KHDRBS2: variants seen among roughly 807,000 people sequenced by gnomAD.
KHDRBS2 encodes the protein KH domain-containing, RNA-binding, signal transduction-associated protein 2.
Under a neutral mutation model 44.3 loss-of-function variants are expected in KHDRBS2, and 26 were observed. The ratio of observed to expected loss-of-function variants is 0.59; its 90% confidence interval spans 0.43 to 0.81. KHDRBS2 has a LOEUF of 0.81. KHDRBS2 is among the 40% of genes least tolerant of loss of function. The probability of loss-of-function intolerance (pLI) is 0.00; values close to 1 mark genes in which losing one functional copy is unlikely to be tolerated. For synonymous variants in KHDRBS2, 194 were observed against 151.1 expected, an observed-to-expected ratio of 1.28 and a Z score of -2.08; for missense variants, 476 against 433.1, an observed-to-expected ratio of 1.10 and a Z score of -0.88.
intron 4 of KHDRBS2, among the ~76,000 whole-genome samples, chr6:61,951,438 C>T (rs1465973676): frequency 6.6e-6 from 1 of 151,984 alleles, no homozygotes; most frequent in Non-Finnish European, 1.5e-5. Context: ...TTTTTAAAAG[C>T]TTTATCTACT....
At chr6:61,816,678 C>A in intron 6 of KHDRBS2, 1 of 431,790 alleles carries the variant, frequency 2.3e-6, no homozygotes, top group Non-Finnish European at 4.7e-6. Flanking sequence ...TTTGAAAATC[C>A]AGTTTTGCAA....
At chr6:61,627,872 A>G in the KHDRBS2 span, among the ~76,000 whole-genome samples, 1 of 152,114 alleles carries the variant, frequency 6.6e-6, no homozygotes, top group Admixed American at 6.5e-5. Flanking sequence ...TGAATTTTCA[A>G]ACCTGAGGGG....
chr6:62,006,190 TA>T (rs1488768563), intron 3 of KHDRBS2, among the ~76,000 whole-genome samples: 7 of 151,886 alleles, frequency 4.6e-5, no homozygotes, highest in Non-Finnish European at 1.0e-4. Context: ...AGAAAACCTC[TA>T]AAAAGGATGG....
At chr6:61,681,868 T>C (rs1766345797) in intron 8 of KHDRBS2, among the ~76,000 whole-genome samples, 1 of 151,888 alleles carries the variant, frequency 6.6e-6, no homozygotes, top group Admixed American at 6.6e-5. Flanking sequence ...AATGCAATTC[T>C]TCTTTAAAAT....
At chr6:62,037,042 G>T (rs1785430028) in intron 3 of KHDRBS2, among the ~76,000 whole-genome samples, 1 of 151,848 alleles carries the variant, frequency 6.6e-6, no homozygotes, top group Non-Finnish European at 1.5e-5. Context: ...TAAAGCTATA[G>T]AGTTGCCAAC....
rs1768163439 is a variant in KHDRBS2 at position 61,698,387 on chromosome 6, T to C, written c.894-1134A>G. Among the ~76,000 whole-genome samples the C allele has an allele frequency of 4.6e-5, 7 of 152,222 alleles. No individual in the cohort carries two copies. In the South Asian group the frequency reaches 1.2e-3, roughly 27 times the overall value. ...CATCTGGTCCTAATGTTCTATCTAA[T>C]AGCAAATTCACTTCGAATTGCAAAA... On this transcript the variant is annotated intron_variant, in intron 7 of 8. Transcript: ENST00000281156.
At chr6:61,672,897 T>G in the KHDRBS2 span, among the ~76,000 whole-genome samples, 1 of 151,998 alleles carries the variant, frequency 6.6e-6, no homozygotes, top group Non-Finnish European at 1.5e-5. Flanking sequence ...TTGCTTTTGG[T>G]GTTTTAGACA....
intron 2 of KHDRBS2, among the ~76,000 whole-genome samples, chr6:62,063,478 C>T (rs371546501): frequency 2.8e-4 from 42 of 150,072 alleles, no homozygotes; most frequent in South Asian, 1.1e-3. Flanking sequence ...GTTCAATATA[C>T]GCAAATCAAT....
Position 62,048,971 on chromosome 6 carries a change from CCTTCT to C in KHDRBS2, c.220-982_220-978del, listed in dbSNP as rs371667237. Among the ~76,000 whole-genome samples the C allele has an allele frequency of 5.5e-3, 833 of 151,414 alleles. 5 individuals are homozygous for C. Among genetic ancestry groups the C allele is most frequent in the Non-Finnish European group, 8.0e-3 (541 of 67,702 alleles). On this transcript the variant is annotated intron_variant, in intron 2 of 8. Coordinates refer to ENST00000281156, the MANE Select transcript of KHDRBS2 (RefSeq NM_152688.4). ...TTTCTTTTCTTTTCCTTTTCTCTTC[CCTTCT>C]CTTCTCTTCTCTTCTCTTTTTTCTT...
At chr6:61,872,615 A>G (rs1279068738) in intron 6 of KHDRBS2, among the ~76,000 whole-genome samples, 5 of 152,170 alleles carry the variant, frequency 3.3e-5, no homozygotes, top group African/African-American at 1.2e-4. Context: ...AGAAGAGCTA[A>G]GTAAATAGAG....
intron 1 of KHDRBS2, among the ~76,000 whole-genome samples, chr6:62,258,928 T>C (rs1837880750): frequency 6.6e-6 from 1 of 151,970 alleles, no homozygotes; most frequent in Non-Finnish European, 1.5e-5. Flanking sequence ...GGTACAGAAA[T>C]AGACCTCAGG....
At chr6:61,744,233 C>G (rs1178555501) in intron 6 of KHDRBS2, among the ~76,000 whole-genome samples, 2 of 152,020 alleles carry the variant, frequency 1.3e-5, no homozygotes, top group African/African-American at 4.8e-5. Context: ...TATTACACAC[C>G]ATAAATTAAA....
At chr6:62,035,423 T>C (rs1785104982) in intron 3 of KHDRBS2, among the ~76,000 whole-genome samples, 1 of 151,942 alleles carries the variant, frequency 6.6e-6, no homozygotes, top group Admixed American at 6.6e-5. Context: ...TGTCACTTAT[T>C]TGTGGGGTCT....
chr6:61,778,703 C>G (rs2127580507), intron 6 of KHDRBS2, among the ~76,000 whole-genome samples: 1 of 152,238 alleles, frequency 6.6e-6, no homozygotes, highest in East Asian at 1.9e-4. Flanking sequence ...TTTTGCTCTT[C>G]CATCAGTCCT....
chr6:61,658,694 T>C, the KHDRBS2 span, among the ~76,000 whole-genome samples: 1 of 151,930 alleles, frequency 6.6e-6, no homozygotes, highest in East Asian at 1.9e-4. Context: ...CTGATATGCA[T>C]ACGCAGTTAA....
At position 61,851,119 on chromosome 6, in the gene KHDRBS2, G is replaced by T. The variant is rs528978214; in HGVS notation, c.810+43516C>A. On this transcript the variant is annotated intron_variant, in intron 6 of 8. Coordinates refer to ENST00000281156, the MANE Select transcript of KHDRBS2 (RefSeq NM_152688.4). The stretch of plus-strand genomic sequence containing the variant: ...TATAGACTCTGCCCTCTACAATATT[G>T]TTAGGATTAACTATCCCCAAATAAT... Among the ~76,000 whole-genome samples, 25 of 151,794 alleles carry T rather than the reference G, an allele frequency of 1.6e-4. No individual in the cohort carries two copies. The South Asian group carries it at 4.6e-3, about 28-fold the overall frequency.
intron 6 of KHDRBS2, among the ~76,000 whole-genome samples, chr6:61,750,878 A>G (rs1031958713): frequency 3.3e-5 from 5 of 151,988 alleles, no homozygotes; most frequent in African/African-American, 7.2e-5. Context: ...TATTTTGAGT[A>G]GCCTGCATAG....
chr6:61,772,359 CA>C (rs1183439662), intron 6 of KHDRBS2, among the ~76,000 whole-genome samples: 3 of 152,148 alleles, frequency 2.0e-5, no homozygotes, highest in Admixed American at 2.0e-4. Context: ...AAAAACCCTT[CA>C]AAAAATTAAT....
At chr6:62,074,094 G>T (rs1393874904) in intron 2 of KHDRBS2, among the ~76,000 whole-genome samples, 2 of 151,820 alleles carry the variant, frequency 1.3e-5, no homozygotes, top group African/African-American at 2.4e-5. Flanking sequence ...AGCAGAAAAT[G>T]TGGCAGACTT....
Sources: gnomAD v4.1 joint callset for allele counts (sites outside exome capture counted in the v4.1 genomes callset) on GRCh38, gnomAD v4.1.1 for gene constraint, MANE v1.5 for transcripts, NCBI Gene and HGNC (gene_info 2026-07-23, HGNC 2026-07-21) for gene names.